The following SOS2 variants were observed in gnomAD, a reference collection of about 807,000 sequenced individuals.
SOS2 encodes the protein SOS Ras/Rho guanine nucleotide exchange factor 2, also known as son of sevenless homolog 2.
Under a neutral mutation model 148.2 loss-of-function variants are expected in SOS2, and 65 were observed. The ratio of observed to expected loss-of-function variants is 0.44; its 90% confidence interval spans 0.36 to 0.54. SOS2 has a LOEUF of 0.54. SOS2 is among the 20% of genes least tolerant of loss of function. SOS2 has a pLI of 0.00. For missense variants in SOS2, 1,341 were observed against 1,590.2 expected (o/e 0.84, Z 2.67); for synonymous variants, 539 against 537.1 (o/e 1.00, Z -0.05).
Position 50,120,385 on chromosome 14 carries a change from C to G in SOS2, c.3380-1G>C. On this transcript the variant is annotated splice_acceptor_variant, in intron 21 of 22. Coordinates refer to ENST00000216373, the MANE Select transcript of SOS2 (RefSeq NM_006939.4). LOFTEE classifies it high-confidence loss of function. ...CTACCACATGAACTAAAGAAAGACTCTGGGGGAGAAAAAGACTAGTTTAAC... is the reference window on the plus strand; with the variant it reads ...CTACCACATGAACTAAAGAAAGACTGTGGGGGAGAAAAAGACTAGTTTAAC... The G allele has an allele frequency of 6.8e-7, 1 of 1,460,786 alleles. No homozygotes were observed. Among genetic ancestry groups the G allele is most frequent in the Non-Finnish European group, 9.6e-7 (1 of 1,046,392 alleles). 90.5% of individuals were successfully genotyped at this position (1,460,786 alleles called of 1,614,324 possible).
intron 8 of SOS2, among the ~76,000 whole-genome samples, chr14:50,163,736 TTC>T (rs984792012): frequency 6.6e-6 from 1 of 152,202 alleles, no homozygotes; most frequent in Non-Finnish European, 1.5e-5. Flanking sequence ...TCTAAAATAT[TTC>T]TTTAATAAAT....
At chr14:50,223,471 G>C (rs1302453031) in intron 1 of SOS2, among the ~76,000 whole-genome samples, 1 of 151,884 alleles carries the variant, frequency 6.6e-6, no homozygotes, top group Non-Finnish European at 1.5e-5. Flanking sequence ...TCAACAGATT[G>C]AGACCATCCT....
rs72681866 is a variant in SOS2, at chr14:50,185,731, T to C, written c.714+2766A>G. On this transcript the variant is annotated intron_variant, in intron 5 of 22. Coordinates refer to ENST00000216373, the MANE Select transcript of SOS2 (RefSeq NM_006939.4). ...AAAGATTAGAGAGGAAAAACTGTTTTTCCCTTTTACAACATGCCAGATGAA... is the reference window on the plus strand; with the variant it reads ...AAAGATTAGAGAGGAAAAACTGTTTCTCCCTTTTACAACATGCCAGATGAA... Among the ~76,000 whole-genome samples the C allele has an allele frequency of 9.2e-3, 1,399 of 152,084 alleles. 10 individuals carry two copies. The highest frequency in any genetic ancestry group is 0.016 in the Non-Finnish European group (1,078 of 67,980).
At chr14:50,133,074 G>A (rs539189794) in intron 19 of SOS2, among the ~76,000 whole-genome samples, 1 of 152,056 alleles carries the variant, frequency 6.6e-6, no homozygotes, top group African/African-American at 2.4e-5. Context: ...AGGATCTTTA[G>A]TTTTTTAGGG....
In SOS2 at chr14:50,159,450, T is replaced by C. The variant is rs545506560; in HGVS notation, c.1833A>G (p.Leu611=). 54 of 1,610,352 alleles carry C rather than the reference T, an allele frequency of 3.4e-5. No homozygotes were observed. The South Asian group carries it at 5.6e-4, about 17-fold the overall frequency. The change falls in exon 10 of 23, where the codon TTA becomes TTG. Residue 611 remains leucine (L), a synonymous_variant. Coordinates refer to ENST00000216373, the MANE Select transcript of SOS2 (RefSeq NM_006939.4). ...GGTVVKLIER[L]TYHMYADPNF... is the part of the protein sequence containing the mutation. Reference sequence around the variant, plus strand: ...ACATACCTGCATACATATGATATGTTAACCTTTCAATTAATTTCACTACAG... The same window carrying C: ...ACATACCTGCATACATATGATATGTCAACCTTTCAATTAATTTCACTACAG...
At chr14:50,136,714 T>C (rs1884092910) in intron 18 of SOS2, among the ~76,000 whole-genome samples, 1 of 151,832 alleles carries the variant, frequency 6.6e-6, no homozygotes, top group African/African-American at 2.4e-5. Flanking sequence ...CTCAGCCTCC[T>C]GAGTAGCTGG....
intron 1 of SOS2, among the ~76,000 whole-genome samples, chr14:50,213,511 C>G (rs950317928): frequency 4.6e-5 from 7 of 151,884 alleles, no homozygotes; most frequent in Admixed American, 2.0e-4. Flanking sequence ...ACCAGCCTGG[C>G]CTACACAGTG....
At chr14:50,137,644 T>C (rs979682975) in intron 18 of SOS2, among the ~76,000 whole-genome samples, 10 of 152,138 alleles carry the variant, frequency 6.6e-5, no homozygotes, top group Admixed American at 6.5e-5. Context: ...ACACAAGATC[T>C]AAAATTTTTT....
rs1785709173 is a variant in SOS2 at position 50,204,274 on chromosome 14, T to C, written c.213+10A>G. 39 of 1,550,930 alleles carry C rather than the reference T, an allele frequency of 2.5e-5. No individual in the cohort carries two copies. Among genetic ancestry groups the C allele is most frequent in the Non-Finnish European group, 3.4e-5 (39 of 1,151,178 alleles). ...TGAGTGACTTTTTGAAATGACAAAA[T>C]AATTTTTACCTCTACATCTTGAACA... is the stretch of plus-strand genomic sequence containing the variant. On this transcript the variant is annotated intron_variant, in intron 2 of 22. Transcript: ENST00000216373.
chr14:50,217,899 G>C (rs554855848), intron 1 of SOS2, among the ~76,000 whole-genome samples: 65 of 152,070 alleles, frequency 4.3e-4, no homozygotes, highest in South Asian at 3.1e-3. Context: ...AGCTTGCAGT[G>C]AATCGAGATC....
chr14:50,229,584 G>A (rs1450363622), intron 1 of SOS2, among the ~76,000 whole-genome samples: 1 of 151,970 alleles, frequency 6.6e-6, no homozygotes, highest in Admixed American at 6.6e-5. Flanking sequence ...AGAGGTGGGC[G>A]GACTGCTTGA....
chr14:50,146,418 C>G (rs1884473883), intron 14 of SOS2, among the ~76,000 whole-genome samples: 1 of 151,972 alleles, frequency 6.6e-6, no homozygotes, highest in Non-Finnish European at 1.5e-5. Context: ...CTGAGGCGGG[C>G]AGATCACTTG....
intron 8 of SOS2, among the ~76,000 whole-genome samples, chr14:50,165,506 AT>A (rs2139649189): frequency 6.6e-6 from 1 of 152,260 alleles, no homozygotes; most frequent in Admixed American, 6.5e-5. Flanking sequence ...ATCAATAGGA[AT>A]TTTTTTCTGC....
At chr14:50,147,604 G>A (rs1884531972) in intron 14 of SOS2, among the ~76,000 whole-genome samples, 1 of 150,998 alleles carries the variant, frequency 6.6e-6, no homozygotes, top group African/African-American at 2.4e-5. Flanking sequence ...AATATAAAGA[G>A]AAATAGTAAA....
intron 1 of SOS2, among the ~76,000 whole-genome samples, chr14:50,228,427 AT>A (rs1282486573): frequency 1.3e-5 from 2 of 152,174 alleles, no homozygotes; most frequent in African/African-American, 4.8e-5. Flanking sequence ...CTAATTCTGT[AT>A]GTAACCCAAC....
intron 14 of SOS2, among the ~76,000 whole-genome samples, chr14:50,147,645 G>C (rs1026080475): frequency 2.0e-5 from 3 of 152,126 alleles, no homozygotes; most frequent in African/African-American, 7.2e-5. Flanking sequence ...TGCTTTCTTA[G>C]GGGAAAGAGA....
Position 50,182,547 on chromosome 14 carries a change from T to C in SOS2, c.774A>G (p.Leu258=). The stretch of plus-strand genomic sequence containing the variant: ...TTTCAACTGTGTCTTCAATCAAACC[T>C]AAAAGTTTCACAGTCAATTCATGTA... The part of the protein sequence containing the change: ...SDIHELTVKL[L]GLIEDTVEMT... Residue 258 remains leucine, a synonymous_variant, in exon 6 of 23, where the codon TTA becomes TTG. Transcript: ENST00000216373. 6.2e-7 allele frequency: 1 copy of C among 1,609,972 alleles called. No homozygotes were observed. Among genetic ancestry groups the C allele is most frequent in the Non-Finnish European group, 8.5e-7 (1 of 1,176,242 alleles).
intron 7 of SOS2, among the ~76,000 whole-genome samples, chr14:50,179,984 T>G (rs977317056): frequency 2.0e-5 from 3 of 151,842 alleles, no homozygotes; most frequent in Non-Finnish European, 4.4e-5. Context: ...ACACTCCAGA[T>G]TCATCTTTAT....
intron 18 of SOS2, among the ~76,000 whole-genome samples, chr14:50,137,661 T>A (rs982938309): frequency 6.6e-6 from 1 of 152,090 alleles, no homozygotes; most frequent in Non-Finnish European, 1.5e-5. Flanking sequence ...TTTTTTTAAT[T>A]TTTAAAATTT....
Sources: gnomAD v4.1 joint callset for allele counts (sites outside exome capture counted in the v4.1 genomes callset) on GRCh38, gnomAD v4.1.1 for gene constraint, MANE v1.5 for transcripts, NCBI Gene and HGNC (gene_info 2026-07-23, HGNC 2026-07-21) for gene names.